The following GRM7 variants were observed in gnomAD, a reference collection of about 807,000 sequenced individuals.
The protein encoded by GRM7 is glutamate metabotropic receptor 7.
GRM7 carries 35 observed loss-of-function variants against 84.5 expected under a neutral mutation model. That is an observed-to-expected ratio of 0.41 (90% confidence interval 0.32 to 0.55). The LOEUF (loss-of-function observed/expected upper bound fraction) is 0.55, where lower values mean the gene tolerates loss of function less well. Among genes scored for constraint, GRM7 ranks in the 20% least tolerant of loss-of-function variants. GRM7 has a pLI of 0.19. For missense variants in GRM7, 1,003 were observed against 1,194.6 expected (o/e 0.84, Z 2.36); for synonymous variants, 487 against 455.1 (o/e 1.07, Z -0.89).
chr3:7,201,884 C>T (rs537038184), intron 2 of GRM7, among the ~76,000 whole-genome samples: 3 of 152,252 alleles, frequency 2.0e-5, no homozygotes, highest in South Asian at 2.1e-4. Flanking sequence ...GGAGTGCCCT[C>T]TTTATATAAT....
At position 6,861,486 on chromosome 3, in the gene GRM7, G is replaced by C. The variant is rs764457381; in HGVS notation, c.98G>C (p.Arg33Pro). 1 of 1,579,386 alleles carries C rather than the reference G, an allele frequency of 6.3e-7. No homozygotes were observed. Among genetic ancestry groups the C allele is most frequent in the Non-Finnish European group, 8.6e-7 (1 of 1,166,428 alleles). ...CTGTGCGCGCTGGCGGCGGCGGCGC[G>C]CGGCCAGGAGATGTACGCCCCGCAC... is the stretch of plus-strand genomic sequence containing the variant. ...VLLCALAAAA[R>P]GQEMYAPHSI... The change falls in exon 1 of 10, where the codon CGC becomes CCC. Residue 33 changes from arginine to proline, a missense_variant. Transcript: ENST00000357716. The surrounding 1 kb of genome is among the most constrained non-coding windows in gnomAD (Gnocchi z 6.4).
At chr3:6,929,257 C>T (rs1261516754) in intron 1 of GRM7, among the ~76,000 whole-genome samples, 1 of 152,124 alleles carries the variant, frequency 6.6e-6, no homozygotes, top group African/African-American at 2.4e-5. Flanking sequence ...ACAGAGCATC[C>T]ACCCCTGCTC....
intron 1 of GRM7, among the ~76,000 whole-genome samples, chr3:7,033,002 TG>T (rs1696242870): frequency 6.6e-6 from 1 of 152,186 alleles, no homozygotes; most frequent in African/African-American, 2.4e-5. Flanking sequence ...TTCTTGAGGC[TG>T]GAAGTCTGAA....
intron 4 of GRM7, among the ~76,000 whole-genome samples, chr3:7,343,383 A>T (rs1400306464): frequency 3.3e-5 from 5 of 151,776 alleles, no homozygotes; most frequent in Non-Finnish European, 7.4e-5. Flanking sequence ...ACAGGGATGT[A>T]TTTTTATTTT....
intron 8 of GRM7, among the ~76,000 whole-genome samples, chr3:7,679,342 T>C (rs1700265080): frequency 6.6e-6 from 1 of 151,258 alleles, no homozygotes; most frequent in Non-Finnish European, 1.5e-5. Context: ...AGTGGACAAT[T>C]AGTCTAAAAC....
chr3:7,331,804 C>G (rs774894397), intron 4 of GRM7, among the ~76,000 whole-genome samples: 4 of 152,140 alleles, frequency 2.6e-5, no homozygotes, highest in Non-Finnish European at 4.4e-5. Flanking sequence ...AGGTAGCTCT[C>G]TAAGGGCTCT....
Position 7,050,452 on chromosome 3 carries a change from T to C in GRM7, c.520-96000T>C, listed in dbSNP as rs139286855. ...AACAAAATTTAAATCTGTGACAGTT[T>C]CACATCTAAACACATGTTATATCCA... is the stretch of plus-strand genomic sequence containing the variant. On this transcript the variant is annotated intron_variant, in intron 1 of 9. Transcript: ENST00000357716. 4.9e-3 allele frequency among the ~76,000 whole-genome samples: 745 copies of C among 152,046 alleles called. 7 individuals carry two copies. Among genetic ancestry groups the C allele is most frequent in the African/African-American group, 0.017 (713 of 41,530 alleles).
chr3:6,865,319 G>T (rs1473336315), intron 1 of GRM7, among the ~76,000 whole-genome samples: 3 of 152,180 alleles, frequency 2.0e-5, no homozygotes, highest in Non-Finnish European at 4.4e-5. Context: ...GTGACCAATG[G>T]ATAAATCTCC....
intron 2 of GRM7, among the ~76,000 whole-genome samples, chr3:7,159,402 T>G (rs1329215947): frequency 1.3e-5 from 2 of 152,166 alleles, no homozygotes; most frequent in Non-Finnish European, 2.9e-5. Flanking sequence ...AGGGTGAGAC[T>G]AACTTCTTTA....
intron 7 of GRM7, among the ~76,000 whole-genome samples, chr3:7,463,585 A>G (rs532886363): frequency 6.6e-6 from 1 of 152,218 alleles, no homozygotes; most frequent in South Asian, 2.1e-4. Flanking sequence ...CAGCAAACAG[A>G]TATGTACATG....
intron 2 of GRM7, among the ~76,000 whole-genome samples, chr3:7,215,227 T>C (rs1263011351): frequency 2.0e-5 from 3 of 152,184 alleles, no homozygotes; most frequent in African/African-American, 7.2e-5. Flanking sequence ...CATTACAAAT[T>C]GGTTAATATG....
At chr3:7,156,666 A>G (rs1694459541) in intron 2 of GRM7, among the ~76,000 whole-genome samples, 1 of 152,180 alleles carries the variant, frequency 6.6e-6, no homozygotes, top group Non-Finnish European at 1.5e-5. Context: ...CAGTCTCCTA[A>G]GTGTAAACTG....
chr3:7,207,285 G>T (rs1412459312), intron 2 of GRM7, among the ~76,000 whole-genome samples: 1 of 152,122 alleles, frequency 6.6e-6, no homozygotes, highest in Admixed American at 6.6e-5. Context: ...CTCATTCCTG[G>T]AGATTCTGAG....
At position 7,146,454 on chromosome 3, in the gene GRM7, C is replaced by A; in HGVS notation, c.522C>A (p.Ile174=). The A allele has an allele frequency of 6.2e-7, 1 of 1,610,676 alleles. No individual in the cohort carries two copies. Among genetic ancestry groups the A allele is most frequent in the Non-Finnish European group, 8.5e-7 (1 of 1,177,674 alleles). Reference sequence around the variant, plus strand: ...GTGGTGCTTTCTTGTCTTTGCAGATCCCCCAGATTAGTTATGCATCAACGG... The same window carrying A: ...GTGGTGCTTTCTTGTCTTTGCAGATACCCCAGATTAGTTATGCATCAACGG... The part of the protein sequence containing the change: ...MVANILRLFQ[I]PQISYASTAP... The change falls in exon 2 of 10, where the codon ATC becomes ATA. Residue 174 remains isoleucine (I), a splice_region_variant and synonymous_variant. Coordinates refer to ENST00000357716, the MANE Select transcript of GRM7 (RefSeq NM_000844.4).
At chr3:7,558,589 T>C (rs548684261) in intron 7 of GRM7, among the ~76,000 whole-genome samples, 1 of 152,240 alleles carries the variant, frequency 6.6e-6, no homozygotes, top group South Asian at 2.1e-4. Flanking sequence ...CCTAGGCCCA[T>C]GCCAATTTCA....
chr3:7,101,707 T>C (rs1278330687), intron 1 of GRM7, among the ~76,000 whole-genome samples: 1 of 150,128 alleles, frequency 6.7e-6, no homozygotes, highest in African/African-American at 2.4e-5. Context: ...TAAATTGTTT[T>C]CATAGTTTTT....
chr3:7,593,096 C>T (rs1381756614), intron 8 of GRM7, among the ~76,000 whole-genome samples: 3 of 152,288 alleles, frequency 2.0e-5, no homozygotes, highest in East Asian at 3.9e-4. Flanking sequence ...TCCTTCTATA[C>T]AGCACTGACT....
chr3:7,616,697 T>A lies in GRM7; in HGVS notation c.2451+37340T>A, dbSNP rs79664406. On this transcript the variant is annotated intron_variant, in intron 8 of 9. Transcript: ENST00000357716. ...TATAATAAACTTCTTAAAAAGTAGG[T>A]AAGATATATAAAAAGTCCTCAATCT... is the stretch of plus-strand genomic sequence containing the variant. 9.1e-4 allele frequency among the ~76,000 whole-genome samples: 139 copies of A among 152,234 alleles called. 1 individual carries two copies. The East Asian group carries it at 0.013, about 14-fold the overall frequency.
At chr3:7,706,871 A>G (rs1462520505) in intron 9 of GRM7, among the ~76,000 whole-genome samples, 1 of 152,114 alleles carries the variant, frequency 6.6e-6, no homozygotes, top group Non-Finnish European at 1.5e-5. Flanking sequence ...CCACCACCCT[A>G]AATCGCATGG....
Sources: gnomAD v4.1 joint callset for allele counts (sites outside exome capture counted in the v4.1 genomes callset) on GRCh38, gnomAD v4.1.1 for gene constraint, Gnocchi (gnomAD v3.1) non-coding constraint, MANE v1.5 for transcripts, NCBI Gene and HGNC (gene_info 2026-07-23, HGNC 2026-07-21) for gene names.